The following RBFOX1 variants were observed in gnomAD, a reference collection of about 807,000 sequenced individuals.
The protein encoded by RBFOX1 is RNA binding fox-1 homolog 1.
A neutral mutation model predicts 57.7 loss-of-function variants in RBFOX1; 8 were observed. That is an observed-to-expected ratio of 0.14 (90% CI 0.08 to 0.25). RBFOX1 has a LOEUF of 0.25. Among genes scored for constraint, RBFOX1 ranks in the 10% least tolerant of loss-of-function variants. The pLI, the probability that RBFOX1 is intolerant of heterozygous loss-of-function variation, is 1.00. For missense variants in RBFOX1, 611 were observed against 548.5 expected, an observed-to-expected ratio of 1.11 and a Z score of -1.14; for synonymous variants, 326 against 222.4, an observed-to-expected ratio of 1.47 and a Z score of -4.15.
At chr16:7,027,534 C>G (rs201409452) in intron 3 of RBFOX1, among the ~76,000 whole-genome samples, 3 of 149,628 alleles carry the variant, frequency 2.0e-5, no homozygotes, top group Non-Finnish European at 4.4e-5. Context: ...GCTTTTTTTT[C>G]TAAATCACTC....
intron 3 of RBFOX1, among the ~76,000 whole-genome samples, chr16:6,656,147 A>T (rs551148762): frequency 1.3e-5 from 2 of 152,134 alleles, no homozygotes; most frequent in Non-Finnish European, 2.9e-5. Flanking sequence ...TGCTTAGGTG[A>T]AGCGTGTGTC....
At chr16:6,500,472 T>C (rs1212759737) in intron 2 of RBFOX1, among the ~76,000 whole-genome samples, 1 of 152,108 alleles carries the variant, frequency 6.6e-6, no homozygotes, top group Non-Finnish European at 1.5e-5. Flanking sequence ...CACCTAGTAC[T>C]TGGCCAAGGG....
Position 6,952,060 on chromosome 16 carries a change from T to C in RBFOX1, c.-15-99997T>C, listed in dbSNP as rs2080879370. The stretch of plus-strand genomic sequence containing the variant: ...GAAAAAAGTGGTTTCTCATACGTGG[T>C]TGATCAGATACATGTACCTTTATCT... On this transcript the variant is annotated intron_variant, in intron 3 of 15. Coordinates refer to ENST00000550418, the MANE Select transcript of RBFOX1 (RefSeq NM_018723.4). Among the ~76,000 whole-genome samples, 2 of 152,200 alleles carry C rather than the reference T, an allele frequency of 1.3e-5. 1 individual carries two copies. The highest frequency in any genetic ancestry group is 4.1e-4 in the South Asian group (2 of 4,834).
chr16:5,909,582 C>G (rs771455071), intron 4 of RBFOX1, among the ~76,000 whole-genome samples: 1 of 152,176 alleles, frequency 6.6e-6, no homozygotes, highest in Non-Finnish European at 1.5e-5. Context: ...TGCAATCTCT[C>G]TTATCCTGAG....
intron 4 of RBFOX1, among the ~76,000 whole-genome samples, chr16:5,922,295 C>T (rs781455003): frequency 6.6e-6 from 1 of 152,206 alleles, no homozygotes; most frequent in Admixed American, 6.5e-5. Context: ...ATCTCCAACA[C>T]TGGGATCACA....
At chr16:6,339,475 C>G (rs2084222279) in intron 2 of RBFOX1, among the ~76,000 whole-genome samples, 1 of 151,974 alleles carries the variant, frequency 6.6e-6, no homozygotes, top group South Asian at 2.1e-4. Context: ...TTGGAGAGGG[C>G]TAAAATGTGG....
At chr16:5,403,266 C>G (rs529307444) in intron 1 of RBFOX1, among the ~76,000 whole-genome samples, 5 of 148,628 alleles carry the variant, frequency 3.4e-5, no homozygotes, top group Admixed American at 2.0e-4. Context: ...AGGAGAATCG[C>G]TTGAGCCTGG....
At chr16:6,643,775 A>T (rs1337382608) in intron 2 of RBFOX1, among the ~76,000 whole-genome samples, 2 of 152,216 alleles carry the variant, frequency 1.3e-5, no homozygotes, top group South Asian at 4.1e-4. Context: ...AACACTGGGC[A>T]AAAGGGTCCC....
intron 4 of RBFOX1, among the ~76,000 whole-genome samples, chr16:5,943,107 C>G (rs986572372): frequency 6.6e-6 from 1 of 152,164 alleles, no homozygotes; most frequent in African/African-American, 2.4e-5. Context: ...GGGGAGCTGT[C>G]CCTGGACCTC....
intron 5 of RBFOX1, among the ~76,000 whole-genome samples, chr16:7,534,980 G>C (rs756257640): frequency 6.6e-6 from 1 of 152,150 alleles, no homozygotes; most frequent in Non-Finnish European, 1.5e-5. Context: ...CTGTAGACAC[G>C]AGGTAATTAC....
At chr16:7,576,924 G>T (rs1392842483) in intron 5 of RBFOX1, among the ~76,000 whole-genome samples, 1 of 152,150 alleles carries the variant, frequency 6.6e-6, no homozygotes, top group Non-Finnish European at 1.5e-5. Context: ...CCGAGTCTGG[G>T]TGTAGAGTAC....
chr16:7,559,491 GTCTT>G (rs1159502089), intron 5 of RBFOX1, among the ~76,000 whole-genome samples: 2 of 152,104 alleles, frequency 1.3e-5, no homozygotes, highest in African/African-American at 2.4e-5. Context: ...AAATATAAAA[GTCTT>G]TCTTTTTAGG....
chr16:6,979,353 A>G (rs2088007118), intron 3 of RBFOX1, among the ~76,000 whole-genome samples: 1 of 149,376 alleles, frequency 6.7e-6, no homozygotes, highest in Non-Finnish European at 1.5e-5. Context: ...TATCAGTGTA[A>G]TTATGAAAAC....
chr16:7,336,554 A>G (rs2096791833), intron 4 of RBFOX1, among the ~76,000 whole-genome samples: 1 of 152,254 alleles, frequency 6.6e-6, no homozygotes, highest in South Asian at 2.1e-4. Flanking sequence ...TGACAGTCAT[A>G]GCCACTGAAC....
intron 4 of RBFOX1, among the ~76,000 whole-genome samples, chr16:7,369,048 G>T (rs564523813): frequency 6.6e-5 from 10 of 152,222 alleles, no homozygotes; most frequent in Admixed American, 5.9e-4. Context: ...AGATAGCATG[G>T]TGGTGGTAGA....
At chr16:6,634,620 GTAT>G (rs1317364601) in intron 2 of RBFOX1, among the ~76,000 whole-genome samples, 1 of 142,726 alleles carries the variant, frequency 7.0e-6, no homozygotes, top group African/African-American at 2.5e-5. Flanking sequence ...TATGATTAAA[GTAT>G]TATATAAATG....
chr16:6,754,756 A>T (rs943839098), intron 3 of RBFOX1, among the ~76,000 whole-genome samples: 4 of 152,026 alleles, frequency 2.6e-5, no homozygotes, highest in African/African-American at 9.7e-5. Flanking sequence ...CACAATGTGC[A>T]GGTTAGTTAC....
chr16:7,120,921 A>G (rs963366952), intron 4 of RBFOX1, among the ~76,000 whole-genome samples: 6 of 151,662 alleles, frequency 4.0e-5, no homozygotes, highest in African/African-American at 7.3e-5. Flanking sequence ...GCATGACCAC[A>G]TAGTATTAGT....
At chr16:6,904,760 C>T (rs369132668) in intron 3 of RBFOX1, among the ~76,000 whole-genome samples, 2 of 152,018 alleles carry the variant, frequency 1.3e-5, no homozygotes, top group African/African-American at 2.4e-5. Flanking sequence ...GCTGGGAAGG[C>T]CAGTTCACCT....
Sources: allele counts gnomAD v4.1 joint callset (sites outside exome capture counted in the v4.1 genomes callset), GRCh38; gene constraint gnomAD v4.1.1; transcripts MANE v1.5; gene names NCBI Gene and HGNC (gene_info 2026-07-23, HGNC 2026-07-21).